The following ATOSA variants were observed in gnomAD, a reference collection of about 807,000 sequenced individuals.
ATOSA encodes atos homolog protein A.
chr15:52,616,616 A>C, the ATOSA span, among the ~76,000 whole-genome samples: 1 of 152,134 alleles, frequency 6.6e-6, no homozygotes, highest in Non-Finnish European at 1.5e-5. Context: ...AACCCCAACA[A>C]AGCCAATTGA....
chr15:52,681,650 G>T, the ATOSA span, among the ~76,000 whole-genome samples: 207 of 152,304 alleles, frequency 1.4e-3, no homozygotes, highest in African/African-American at 4.7e-3. Context: ...AGGGAATCAA[G>T]ATAGCTGGCA....
At chr15:52,587,509 T>TA in the ATOSA span, 1 of 219,022 alleles carries the variant, frequency 4.6e-6, no homozygotes, top group Non-Finnish European at 8.9e-6. Context: ...AAAAAGGAAA[T>TA]AAAGGAAGGT....
the ATOSA span, chr15:52,655,992 T>C: frequency 2.0e-5 from 3 of 152,124 alleles, no homozygotes; most frequent in South Asian, 2.1e-4. Flanking sequence ...GTCTACATGA[T>C]GTGACCATAT....
the ATOSA span, among the ~76,000 whole-genome samples, chr15:52,631,739 T>C: frequency 6.6e-6 from 1 of 152,152 alleles, no homozygotes; most frequent in African/African-American, 2.4e-5. Flanking sequence ...ATAACTAAAG[T>C]GTTCTAAAAC....
chr15:52,606,145 A>G, the ATOSA span, among the ~76,000 whole-genome samples: 1 of 152,090 alleles, frequency 6.6e-6, no homozygotes, highest in African/African-American at 2.4e-5. Context: ...AAAAATTCAT[A>G]TAATATTGTA....
At chr15:52,611,532 T>C in the ATOSA span, 3 of 1,583,358 alleles carry the variant, frequency 1.9e-6, no homozygotes, top group Admixed American at 3.5e-5. Context: ...AATGGAAAAC[T>C]TGATTTACCA....
chr15:52,593,559 C>T, the ATOSA span: 1 of 1,538,716 alleles, frequency 6.5e-7, no homozygotes, highest in Non-Finnish European at 8.8e-7. Flanking sequence ...GGAAAACATA[C>T]AATATAAAAA....
At chr15:52,676,508 TTAGTAA>T in the ATOSA span, among the ~76,000 whole-genome samples, 1 of 150,792 alleles carries the variant, frequency 6.6e-6, no homozygotes, top group Non-Finnish European at 1.5e-5. Context: ...TACACTGGTT[TTAGTAA>T]AAGAAAAAAA....
the ATOSA span, chr15:52,679,232 AC>A: frequency 1.3e-5 from 2 of 150,578 alleles, no homozygotes; most frequent in Non-Finnish European, 2.9e-5. Context: ...GAGCCCCGCG[AC>A]CCCCGGGCTT....
the ATOSA span, chr15:52,609,045 A>C: frequency 6.2e-7 from 1 of 1,613,356 alleles, no homozygotes; most frequent in South Asian, 1.1e-5. Context: ...TGCTTGTCAA[A>C]TCTAAGTTAT....
At chr15:52,696,125 GT>G in the ATOSA span, among the ~76,000 whole-genome samples, 1 of 152,130 alleles carries the variant, frequency 6.6e-6, no homozygotes, top group South Asian at 2.1e-4. Flanking sequence ...TTAGGTGATA[GT>G]GGGGCAAGGG....
At chr15:52,693,532 C>A in the ATOSA span, among the ~76,000 whole-genome samples, 2 of 152,118 alleles carry the variant, frequency 1.3e-5, no homozygotes, top group Non-Finnish European at 2.9e-5. Flanking sequence ...TATATCAACA[C>A]TGGGTAGAAA....
the ATOSA span, chr15:52,610,192 T>G: frequency 6.2e-7 from 1 of 1,613,894 alleles, no homozygotes; most frequent in African/African-American, 1.3e-5. Flanking sequence ...TTTATGTTGT[T>G]GAATTCTTTT....
chr15:52,668,554 T>C, the ATOSA span, among the ~76,000 whole-genome samples: 1 of 152,214 alleles, frequency 6.6e-6, no homozygotes, highest in Non-Finnish European at 1.5e-5. Context: ...AAGAGGCTTT[T>C]GAATGTTCCC....
chr15:52,594,033 G>C, the ATOSA span, among the ~76,000 whole-genome samples: 1 of 152,186 alleles, frequency 6.6e-6, no homozygotes, highest in South Asian at 2.1e-4. Context: ...GCATTAGTTA[G>C]GCCTAATTGT....
the ATOSA span, among the ~76,000 whole-genome samples, chr15:52,635,780 G>A: frequency 2.0e-5 from 3 of 151,998 alleles, no homozygotes; most frequent in Non-Finnish European, 4.4e-5. Flanking sequence ...GGTGGATCAC[G>A]AGGTCAGGAG....
the ATOSA span, among the ~76,000 whole-genome samples, chr15:52,682,594 C>A: frequency 3.3e-5 from 5 of 152,040 alleles, no homozygotes; most frequent in Admixed American, 6.5e-5. Context: ...AACTCTATGA[C>A]CCATAGCTAG....
chr15:52,604,043 A>G, the ATOSA span, among the ~76,000 whole-genome samples: 1 of 152,256 alleles, frequency 6.6e-6, no homozygotes, highest in Non-Finnish European at 1.5e-5. Flanking sequence ...ATTTACTCCG[A>G]TTTGATTATT....
the ATOSA span, among the ~76,000 whole-genome samples, chr15:52,687,525 A>G: frequency 1.3e-5 from 2 of 152,250 alleles, no homozygotes; most frequent in Non-Finnish European, 2.9e-5. Context: ...GGGGCCTGCT[A>G]AGGAAAGAAA....
Sources: gnomAD v4.1 joint callset for allele counts (sites outside exome capture counted in the v4.1 genomes callset) on GRCh38, gnomAD v4.1.1 for gene constraint, MANE v1.5 for transcripts, NCBI Gene and HGNC (gene_info 2026-07-23, HGNC 2026-07-21) for gene names.